SEL1L3: variants seen among roughly 807,000 people sequenced by gnomAD.
SEL1L3 encodes protein sel-1 homolog 3.
A neutral mutation model predicts 142.8 loss-of-function variants in SEL1L3; 76 were observed. The observed-to-expected ratio is 0.53, with a 90% confidence interval of 0.44 to 0.64. The LOEUF is 0.64. Ranked by LOEUF, SEL1L3 falls within the 30% of genes least tolerant of loss-of-function variation. SEL1L3 has a pLI of 0.00. For synonymous variants in SEL1L3, 504 were observed against 519.6 expected (o/e 0.97, Z 0.41); for missense variants, 1,262 against 1,381.7 (o/e 0.91, Z 1.37).
chr4:25,823,360 T>C (rs1714890943), intron 6 of SEL1L3, among the ~76,000 whole-genome samples: 1 of 151,690 alleles, frequency 6.6e-6, no homozygotes, highest in Admixed American at 6.6e-5. Flanking sequence ...ACTAAAAATA[T>C]AAAAATTAGC....
intron 1 of SEL1L3, among the ~76,000 whole-genome samples, chr4:25,852,146 A>C: frequency 6.6e-6 from 1 of 152,170 alleles, no homozygotes; most frequent in Non-Finnish European, 1.5e-5. Flanking sequence ...GAAGCAGAGA[A>C]TGTTACAGTG....
At chr4:25,773,266 T>A (rs1234366990) in intron 17 of SEL1L3, 1 of 152,154 alleles carries the variant, frequency 6.6e-6, no homozygotes, top group Admixed American at 6.5e-5. Flanking sequence ...AAGGGGCAGA[T>A]CAACAAGAAG....
chr4:25,760,516 G>A (rs1350304991), intron 20 of SEL1L3, among the ~76,000 whole-genome samples: 5 of 152,152 alleles, frequency 3.3e-5, no homozygotes, highest in African/African-American at 1.2e-4. Flanking sequence ...CCCACCAACA[G>A]TGCATAAGTG....
At chr4:25,752,551 C>T (rs1717673913) in intron 23 of SEL1L3, among the ~76,000 whole-genome samples, 1 of 152,072 alleles carries the variant, frequency 6.6e-6, no homozygotes, top group African/African-American at 2.4e-5. Flanking sequence ...TACCTAGTGT[C>T]AGCATGCTTT....
intron 11 of SEL1L3, among the ~76,000 whole-genome samples, chr4:25,798,609 C>T (rs1712952488): frequency 6.6e-6 from 1 of 152,164 alleles, no homozygotes; most frequent in Non-Finnish European, 1.5e-5. Flanking sequence ...AGGCGGATCA[C>T]CTGAAGTCAG....
At chr4:25,842,342 A>T (rs1226127077) in intron 2 of SEL1L3, among the ~76,000 whole-genome samples, 3 of 150,920 alleles carry the variant, frequency 2.0e-5, no homozygotes, top group African/African-American at 7.3e-5. Flanking sequence ...TTTGCCAAGC[A>T]GACATGGAAA....
intron 2 of SEL1L3, among the ~76,000 whole-genome samples, chr4:25,841,277 G>A (rs554717009): frequency 6.6e-6 from 1 of 152,144 alleles, no homozygotes; most frequent in Non-Finnish European, 1.5e-5. Flanking sequence ...CAAGTGATCT[G>A]CCTGCCTCAG....
the SEL1L3 span, among the ~76,000 whole-genome samples, chr4:25,731,507 C>G: frequency 6.6e-6 from 1 of 152,170 alleles, no homozygotes; most frequent in Non-Finnish European, 1.5e-5. Flanking sequence ...CTTCTACCCC[C>G]ACACTTCGCC....
At chr4:25,714,271 T>C in the SEL1L3 span, among the ~76,000 whole-genome samples, 4 of 152,078 alleles carry the variant, frequency 2.6e-5, no homozygotes, top group South Asian at 2.1e-4. Context: ...GCGAAGATGA[T>C]CATTTTCTAT....
At chr4:25,826,239 C>T (rs1715085501) in intron 6 of SEL1L3, among the ~76,000 whole-genome samples, 1 of 152,312 alleles carries the variant, frequency 6.6e-6, no homozygotes, top group African/African-American at 2.4e-5. Context: ...GCTATAGAGG[C>T]CTGAAGCTGT....
At chr4:25,723,278 A>C in the SEL1L3 span, among the ~76,000 whole-genome samples, 1 of 152,176 alleles carries the variant, frequency 6.6e-6, no homozygotes, top group East Asian at 1.9e-4. Context: ...TTTGAAAAGT[A>C]AGTTGAAGTA....
intron 19 of SEL1L3, among the ~76,000 whole-genome samples, chr4:25,765,827 C>T (rs13116268): frequency 6.6e-6 from 1 of 151,668 alleles, no homozygotes; most frequent in African/African-American, 2.4e-5. Flanking sequence ...TTTATAGAGA[C>T]GGGGTTTCAC....
Position 25,819,882 on chromosome 4 carries a change from C to T in SEL1L3, c.1349G>A (p.Arg450Lys). 6.2e-7 allele frequency: 1 copy of T among 1,613,188 alleles called. No homozygotes were observed. The highest frequency in any genetic ancestry group is 8.5e-7 in the Non-Finnish European group (1 of 1,179,542). The change falls in exon 8 of 24, where the codon AGG (arginine) becomes AAG (lysine). Residue 450 changes from arginine to lysine, a missense_variant. Transcript: ENST00000399878. ...TACTATTTCTTGAACCTCAGCACACCTTTCATAATATAACTTGATTTGTTC... is the reference window on the plus strand; with the variant it reads ...TACTATTTCTTGAACCTCAGCACACTTTTCATAATATAACTTGATTTGTTC... ...LAEQIKLYYE[R>K]CAEVQEIVSV...
intron 6 of SEL1L3, among the ~76,000 whole-genome samples, chr4:25,826,869 G>A (rs1715129615): frequency 6.6e-6 from 1 of 152,078 alleles, no homozygotes; most frequent in African/African-American, 2.4e-5. Flanking sequence ...TCACCATGTT[G>A]CCCAGCCTGG....
At chr4:25,798,132 C>T (rs971640911) in intron 11 of SEL1L3, among the ~76,000 whole-genome samples, 1 of 152,086 alleles carries the variant, frequency 6.6e-6, no homozygotes, top group South Asian at 2.1e-4. Flanking sequence ...GATCGAAGAA[C>T]GTCTCATACG....
chr4:25,833,148 A>G (rs200184562), intron 4 of SEL1L3, 38 bp from the exon 5 acceptor site: 47 of 1,152,376 alleles, frequency 4.1e-5, no homozygotes, highest in Non-Finnish European at 5.9e-5. Context: ...ATGAGCAAAA[A>G]ATATCTACGA....
At chr4:25,816,066 A>G (rs905070340) in intron 9 of SEL1L3, among the ~76,000 whole-genome samples, 5 of 147,842 alleles carry the variant, frequency 3.4e-5, no homozygotes, top group African/African-American at 4.9e-5. Context: ...AAATACTTAT[A>G]TAATAATCTA....
At chr4:25,833,170 A>G (rs965365556) in intron 4 of SEL1L3, 60 bp from the exon 5 acceptor site, 16 of 972,734 alleles carry the variant, frequency 1.6e-5, no homozygotes, top group African/African-American at 3.2e-5. Flanking sequence ...TGAATGAAGT[A>G]GCTAGGCCTT....
At chr4:25,774,164 T>C (rs1240056829) in intron 17 of SEL1L3, among the ~76,000 whole-genome samples, 2 of 151,814 alleles carry the variant, frequency 1.3e-5, no homozygotes, top group Non-Finnish European at 2.9e-5. Context: ...AAATAAGGAG[T>C]TAGGTAGGAT....
Sources: allele counts gnomAD v4.1 joint callset (sites outside exome capture counted in the v4.1 genomes callset), GRCh38; gene constraint gnomAD v4.1.1; transcripts MANE v1.5; gene names NCBI Gene and HGNC (gene_info 2026-07-23, HGNC 2026-07-21).